The following SMYD3 variants were observed in gnomAD, a reference collection of about 807,000 sequenced individuals.
SMYD3 encodes the protein histone-lysine N-methyltransferase SMYD3.
In SMYD3, 36 loss-of-function variants were observed where a neutral mutation model predicts 57.7. The observed-to-expected ratio is 0.62, with a 90% CI of 0.48 to 0.82. The LOEUF (loss-of-function observed/expected upper bound fraction) is 0.82. Among genes scored for constraint, SMYD3 ranks in the 40% least tolerant of loss-of-function variants. The probability of loss-of-function intolerance (pLI) is 0.00; values close to 1 mark genes in which losing one functional copy is unlikely to be tolerated. For synonymous variants in SMYD3, 211 were observed against 195.0 expected (o/e 1.08, Z -0.68); for missense variants, 515 against 538.8 (o/e 0.96, Z 0.44).
At chr1:246,411,408 T>G (rs1447525335) in intron 1 of SMYD3, among the ~76,000 whole-genome samples, 1 of 152,170 alleles carries the variant, frequency 6.6e-6, no homozygotes, top group Admixed American at 6.5e-5. Context: ...ATTGTGGAAG[T>G]CAGTGTGGCG....
At chr1:245,918,854 A>C (rs573182797) in intron 7 of SMYD3, among the ~76,000 whole-genome samples, 9 of 152,342 alleles carry the variant, frequency 5.9e-5, no homozygotes, top group African/African-American at 1.7e-4. Flanking sequence ...CAGAGCAGGT[A>C]AATGGACAGT....
intron 5 of SMYD3, among the ~76,000 whole-genome samples, chr1:246,073,803 T>C (rs2060498417): frequency 6.6e-6 from 1 of 152,098 alleles, no homozygotes; most frequent in Admixed American, 6.6e-5. Flanking sequence ...CAAGATAGTG[T>C]CTCTCAAGAT....
In SMYD3 at chr1:245,786,216, G is replaced by GGGA. The variant is rs1553321366; in HGVS notation, c.1077-22068_1077-22067insTCC. Among the ~76,000 whole-genome samples the GGGA allele has an allele frequency of 6.5e-5, 9 of 138,316 alleles. 1 individual carries two copies. The highest frequency in any genetic ancestry group is 6.4e-4 in the Admixed American group (9 of 14,070). 90.7% of individuals were successfully genotyped at this position (138,316 alleles called of 152,430 possible). ...CTGAGTTGAGTTGGGGTGTGGACGG[G>GGGA]GGGGGGATGGTGGCAACAGAATATT... On this transcript the variant is annotated intron_variant, in intron 10 of 11. Transcript: ENST00000490107.
intron 1 of SMYD3, among the ~76,000 whole-genome samples, chr1:246,491,072 C>G (rs1226376532): frequency 1.3e-5 from 2 of 152,174 alleles, no homozygotes; most frequent in Non-Finnish European, 2.9e-5. Flanking sequence ...TTTGCCCCAA[C>G]TCACATAACT....
intron 5 of SMYD3, among the ~76,000 whole-genome samples, chr1:246,081,461 T>C (rs2788017): frequency 0.37 from 56,779 of 152,088 alleles, 13,452 homozygotes; most frequent in African/African-American, 0.67. Context: ...GGTGTGATCT[T>C]TGCTCACCAC....
intron 5 of SMYD3, among the ~76,000 whole-genome samples, chr1:246,142,766 C>A (rs2061778552): frequency 6.6e-6 from 1 of 152,140 alleles, no homozygotes; most frequent in Admixed American, 6.5e-5. Context: ...ATAAGGGGGG[C>A]ACTGCTGTAC....
intron 8 of SMYD3, among the ~76,000 whole-genome samples, chr1:245,865,581 A>T (rs1368124918): frequency 6.6e-6 from 1 of 152,222 alleles, no homozygotes; most frequent in Non-Finnish European, 1.5e-5. Context: ...CTTCTTGTCA[A>T]ATATTACTCT....
chr1:246,158,411 T>C (rs1223122613), intron 5 of SMYD3, among the ~76,000 whole-genome samples: 1 of 152,224 alleles, frequency 6.6e-6, no homozygotes, highest in Non-Finnish European at 1.5e-5. Context: ...TGAGACAAAA[T>C]GCAGTTCTAT....
intron 5 of SMYD3, among the ~76,000 whole-genome samples, chr1:246,281,485 T>C (rs1001282799): frequency 1.3e-5 from 2 of 152,212 alleles, no homozygotes; most frequent in African/African-American, 4.8e-5. Context: ...TCTGTGAGAA[T>C]ACTGATCATA....
chr1:246,067,482 G>A (rs1408235821), intron 5 of SMYD3, among the ~76,000 whole-genome samples: 1 of 152,160 alleles, frequency 6.6e-6, no homozygotes, highest in Non-Finnish European at 1.5e-5. Context: ...GTTGGGGAGA[G>A]CATCTGGGTT....
chr1:245,954,852 T>G (rs917262251), intron 5 of SMYD3, among the ~76,000 whole-genome samples: 1 of 152,250 alleles, frequency 6.6e-6, no homozygotes, highest in African/African-American at 2.4e-5. Flanking sequence ...CTCTGGTCCC[T>G]GTCTTTTTCC....
At chr1:245,776,916 T>C (rs1325768275) in intron 10 of SMYD3, among the ~76,000 whole-genome samples, 1 of 152,226 alleles carries the variant, frequency 6.6e-6, no homozygotes, top group African/African-American at 2.4e-5. Flanking sequence ...TTACATATTG[T>C]CCACAGCTGC....
chr1:246,121,342 T>C (rs976229055), intron 5 of SMYD3, among the ~76,000 whole-genome samples: 12 of 151,678 alleles, frequency 7.9e-5, no homozygotes, highest in African/African-American at 2.9e-4. Flanking sequence ...CGGTCCTCTC[T>C]CATGTTTCTT....
chr1:246,040,164 T>C (rs1452272606), intron 5 of SMYD3, among the ~76,000 whole-genome samples: 2 of 152,178 alleles, frequency 1.3e-5, no homozygotes, highest in African/African-American at 2.4e-5. Flanking sequence ...GGTTTGCAAT[T>C]AATATTGGGC....
At chr1:246,192,525 G>A (rs957807136) in intron 5 of SMYD3, among the ~76,000 whole-genome samples, 1 of 152,130 alleles carries the variant, frequency 6.6e-6, no homozygotes, top group Non-Finnish European at 1.5e-5. Flanking sequence ...CAAAGTGCTG[G>A]AATTACAGGC....
In SMYD3 at chr1:246,390,501, A is replaced by G. The variant is rs1443293548; in HGVS notation, c.165-35407T>C. ...TAAGTAACTATAAAACTTTCAGATT[A>G]TGCTATGTTCAAGATTCATCCTGTA... On this transcript the variant is annotated intron_variant, in intron 1 of 11. Coordinates refer to ENST00000490107, the MANE Select transcript of SMYD3 (RefSeq NM_001167740.2). Among the ~76,000 whole-genome samples, 3 of 152,284 alleles carry G rather than the reference A, an allele frequency of 2.0e-5. No homozygotes were observed. In the East Asian group the frequency reaches 5.8e-4, roughly 29 times the overall value.
At chr1:246,218,931 G>A (rs572138427) in intron 5 of SMYD3, among the ~76,000 whole-genome samples, 19 of 152,264 alleles carry the variant, frequency 1.2e-4, no homozygotes, top group Non-Finnish European at 2.4e-4. Context: ...AATGACCAAC[G>A]TTGTCAATTC....
At chr1:245,855,752 G>A (rs553485985) in intron 10 of SMYD3, among the ~76,000 whole-genome samples, 1 of 152,336 alleles carries the variant, frequency 6.6e-6, no homozygotes, top group African/African-American at 2.4e-5. Flanking sequence ...GTAGCAAGAA[G>A]GGAGCTGAAG....
At chr1:245,895,490 A>G (rs1032237852) in intron 8 of SMYD3, among the ~76,000 whole-genome samples, 3 of 149,768 alleles carry the variant, frequency 2.0e-5, no homozygotes, top group Non-Finnish European at 4.4e-5. Flanking sequence ...TATCTAGCAA[A>G]ATAGAGTAAG....
Sources: gnomAD v4.1 joint callset for allele counts (sites outside exome capture counted in the v4.1 genomes callset) on GRCh38, gnomAD v4.1.1 for gene constraint, MANE v1.5 for transcripts, NCBI Gene and HGNC (gene_info 2026-07-23, HGNC 2026-07-21) for gene names.